CRADD: variants seen among roughly 807,000 people sequenced by gnomAD.
CRADD encodes the protein death domain-containing protein CRADD.
A neutral mutation model predicts 15.5 loss-of-function variants in CRADD; 9 were observed. That is an observed-to-expected ratio of 0.58 (90% CI 0.35 to 1.01). CRADD has a LOEUF of 1.01. Among genes scored for constraint, CRADD ranks in the 50% least tolerant of loss-of-function variants. The pLI, the probability that CRADD is intolerant of heterozygous loss-of-function variation, is 0.02. For missense variants in CRADD, 227 were observed against 250.3 expected (o/e 0.91, Z 0.63); for synonymous variants, 118 against 107.6 (o/e 1.10, Z -0.60).
intron 2 of CRADD, among the ~76,000 whole-genome samples, chr12:93,771,682 G>A (rs1957086781): frequency 6.6e-6 from 1 of 152,290 alleles, no homozygotes; most frequent in African/African-American, 2.4e-5. Flanking sequence ...TAGCAATAAT[G>A]AACTTAGTAG....
intron 2 of CRADD, among the ~76,000 whole-genome samples, chr12:93,817,301 A>G (rs923302999): frequency 1.2e-4 from 19 of 152,088 alleles, no homozygotes; most frequent in African/African-American, 4.1e-4. Flanking sequence ...AGAGCTGTCT[A>G]TGTTCAGCTG....
intron 2 of CRADD, among the ~76,000 whole-genome samples, chr12:93,736,660 G>T (rs1168955151): frequency 2.0e-5 from 3 of 152,160 alleles, no homozygotes; most frequent in Admixed American, 2.0e-4. Flanking sequence ...ATATTTTCTA[G>T]TTTCTCAGAT....
At chr12:93,748,433 G>A (rs1476338719) in intron 2 of CRADD, among the ~76,000 whole-genome samples, 1 of 152,152 alleles carries the variant, frequency 6.6e-6, no homozygotes, top group Non-Finnish European at 1.5e-5. Context: ...TCAGCCTCCT[G>A]AGTAACTGGG....
chr12:93,814,538 G>A (rs1957669631), intron 2 of CRADD, among the ~76,000 whole-genome samples: 1 of 152,186 alleles, frequency 6.6e-6, no homozygotes, highest in African/African-American at 2.4e-5. Flanking sequence ...AAGGCCGAGG[G>A]TCTGAAAGTA....
intron 2 of CRADD, among the ~76,000 whole-genome samples, chr12:93,722,237 A>G (rs1956277943): frequency 6.6e-6 from 1 of 152,018 alleles, no homozygotes; most frequent in Non-Finnish European, 1.5e-5. Flanking sequence ...TCTATAGCCA[A>G]TTTACTTTTT....
chr12:93,713,106 G>T (rs1956103139), intron 2 of CRADD, among the ~76,000 whole-genome samples: 2 of 151,756 alleles, frequency 1.3e-5, no homozygotes, highest in South Asian at 2.1e-4. Flanking sequence ...TTTCAGTTGG[G>T]GTACATTGAC....
chr12:93,777,471 A>G (rs189776132), intron 2 of CRADD, among the ~76,000 whole-genome samples: 16 of 152,352 alleles, frequency 1.1e-4, no homozygotes, highest in Admixed American at 9.1e-4. Context: ...AAGGAAGGTC[A>G]GAGAGAGGAA....
At chr12:93,738,063 C>T in intron 2 of CRADD, 1 of 470,452 alleles carries the variant, frequency 2.1e-6, no homozygotes, top group South Asian at 5.1e-5. Context: ...AGGTCCCTTT[C>T]TATTCGTTTT....
intron 2 of CRADD, among the ~76,000 whole-genome samples, chr12:93,842,462 T>C (rs1163768681): frequency 2.0e-5 from 3 of 152,074 alleles, no homozygotes; most frequent in Non-Finnish European, 4.4e-5. Flanking sequence ...TTTAAGATGA[T>C]CATCAGCTCC....
At chr12:93,836,279 T>C (rs1389588924) in intron 2 of CRADD, 2 of 152,342 alleles carry the variant, frequency 1.3e-5, no homozygotes, top group East Asian at 3.9e-4. Flanking sequence ...GGGTGAATAA[T>C]TGATAGAGCT....
At chr12:93,871,830 G>T (rs1332006610) in intron 2 of CRADD, among the ~76,000 whole-genome samples, 2 of 152,136 alleles carry the variant, frequency 1.3e-5, no homozygotes, top group African/African-American at 2.4e-5. Flanking sequence ...CACTTAAGTT[G>T]CTTAGAAATC....
chr12:93,735,338 GT>G (rs1234318022), intron 2 of CRADD, among the ~76,000 whole-genome samples: 1 of 152,196 alleles, frequency 6.6e-6, no homozygotes, highest in Non-Finnish European at 1.5e-5. Context: ...GATATGGAAA[GT>G]TTGTAAAGTG....
At chr12:93,878,450 G>A (rs910918946) in intron 2 of CRADD, among the ~76,000 whole-genome samples, 6 of 152,142 alleles carry the variant, frequency 3.9e-5, no homozygotes, top group African/African-American at 9.7e-5. Context: ...GTAGCCTGGG[G>A]TAGGGTAGGG....
intron 2 of CRADD, among the ~76,000 whole-genome samples, chr12:93,689,356 C>T (rs140953285): frequency 6.6e-6 from 1 of 152,202 alleles, no homozygotes; most frequent in East Asian, 1.9e-4. Flanking sequence ...GTTTGCTTTA[C>T]ATAATGTTAA....
intron 2 of CRADD, among the ~76,000 whole-genome samples, chr12:93,834,361 C>A (rs1385844594): frequency 6.6e-6 from 1 of 152,018 alleles, no homozygotes; most frequent in Non-Finnish European, 1.5e-5. Context: ...AGTTACATTG[C>A]TGTTTTCACA....
At chr12:93,778,701 A>G (rs996778061) in intron 2 of CRADD, among the ~76,000 whole-genome samples, 2 of 149,130 alleles carry the variant, frequency 1.3e-5, no homozygotes, top group African/African-American at 4.9e-5. Context: ...TCATAGCCAC[A>G]CAGGGTGTTT....
intron 2 of CRADD, among the ~76,000 whole-genome samples, chr12:93,728,273 A>T (rs1006087869): frequency 2.6e-5 from 4 of 152,238 alleles, no homozygotes; most frequent in Admixed American, 2.6e-4. Flanking sequence ...CACAGGCATG[A>T]ATAGAGTTGA....
chr12:93,798,702 T>A (rs547998018), intron 2 of CRADD, among the ~76,000 whole-genome samples: 1 of 152,328 alleles, frequency 6.6e-6, no homozygotes, highest in East Asian at 1.9e-4. Flanking sequence ...AAGCCACAGC[T>A]GTTACTATTA....
At chr12:93,746,314 A>G (rs765992806) in intron 2 of CRADD, among the ~76,000 whole-genome samples, 2 of 152,242 alleles carry the variant, frequency 1.3e-5, no homozygotes, top group African/African-American at 2.4e-5. Context: ...TGGCAGAAAC[A>G]TAAATGAACA....
Sources: allele counts gnomAD v4.1 joint callset (sites outside exome capture counted in the v4.1 genomes callset), GRCh38; gene constraint gnomAD v4.1.1; transcripts MANE v1.5; gene names NCBI Gene and HGNC (gene_info 2026-07-23, HGNC 2026-07-21).